The following YJU2B variants were observed in gnomAD, a reference collection of about 807,000 sequenced individuals.
YJU2B encodes the protein YJU2 splicing factor homolog B, also known as probable splicing factor YJU2B.
In YJU2B, 18 loss-of-function variants were observed where a neutral mutation model predicts 38.0. The ratio of observed to expected loss-of-function variants is 0.47; its 90% confidence interval spans 0.33 to 0.70. The LOEUF is 0.70. Among genes scored for constraint, YJU2B ranks in the 30% least tolerant of loss-of-function variants. The probability of loss-of-function intolerance (pLI) is 0.02; values close to 1 mark genes in which losing one functional copy is unlikely to be tolerated. For missense variants in YJU2B, 538 were observed against 556.3 expected (o/e 0.97, Z 0.33); for synonymous variants, 246 against 225.4 (o/e 1.09, Z -0.82).
chr19:13,745,773 G>A (rs1253215650), upstream of YJU2B, among the ~76,000 whole-genome samples: 1 of 148,518 alleles, frequency 6.7e-6, no homozygotes, highest in Admixed American at 6.7e-5. Flanking sequence ...AGGAATAGTA[G>A]TAATATTGTC....
chr19:13,756,061 C>G (rs1161666604), intron 3 of YJU2B, 136 bp from the exon 4 acceptor site: 3 of 697,310 alleles, frequency 4.3e-6, no homozygotes, highest in Non-Finnish European at 7.8e-6. Context: ...TTGCTATGAA[C>G]ACCCGTCCTG....
At chr19:13,757,540 G>C in intron 5 of YJU2B, 67 bp downstream of exon 5, 1 of 1,366,264 alleles carries the variant, frequency 7.3e-7, no homozygotes, top group Non-Finnish European at 1.0e-6. Flanking sequence ...GGATGCCGCC[G>C]GGGTGGGGGT....
chr19:13,735,532 T>G (rs1050661676), intron 2 of YJU2B, among the ~76,000 whole-genome samples: 6 of 151,700 alleles, frequency 4.0e-5, no homozygotes, highest in African/African-American at 9.7e-5. Flanking sequence ...TGTCTGTGTT[T>G]TTTTTTTTTT....
intron 9 of YJU2B, 50 bp from the exon 10 acceptor site, chr19:13,762,540 T>C (rs1182138902): frequency 6.5e-7 from 1 of 1,542,374 alleles, no homozygotes; most frequent in Non-Finnish European, 8.7e-7. Context: ...AGAGGGCAGT[T>C]CTGGACCCCC....
At position 13,762,310 on chromosome 19, in the gene YJU2B, AGCCAT is replaced by A; in HGVS notation, c.586_590del (p.Ala196ProfsTer27). On this transcript the variant is annotated frameshift_variant, in exon 9 of 10. Coordinates refer to ENST00000221554, the MANE Select transcript of YJU2B (RefSeq NM_030818.4). LOFTEE classifies it high-confidence loss of function. ...GGCCCTCAACACAGGAAAAGAAAAA[AGCCAT>A]CCAGGAGGAGGAGGAGAGAGACCAG... 6.2e-7 allele frequency: 1 copy of A among 1,613,508 alleles called. No homozygotes were observed. Among genetic ancestry groups the A allele is most frequent in the South Asian group, 1.1e-5 (1 of 91,070 alleles).
At position 13,763,249 on chromosome 19, in the gene YJU2B, T is replaced by C. The variant is rs370960817; in HGVS notation, c.*181T>C. On this transcript the variant is annotated 3_prime_UTR_variant, in exon 10 of 10. Transcript: ENST00000221554. ...TTTATTTGGTCCTGGTGAGGGTGTTTGTGCCTTGTGAGACTCCGTACATTA... is the reference window on the plus strand; with the variant it reads ...TTTATTTGGTCCTGGTGAGGGTGTTCGTGCCTTGTGAGACTCCGTACATTA... 13 of 557,688 alleles carry C rather than the reference T, an allele frequency of 2.3e-5. No individual in the cohort carries two copies. In the East Asian group the frequency reaches 2.4e-4, roughly 10 times the overall value. 34.5% of individuals were successfully genotyped at this position (557,688 alleles called of 1,614,324 possible).
upstream of YJU2B, among the ~76,000 whole-genome samples, chr19:13,745,727 CTATATATATATA>C (rs59968833): frequency 2.4e-5 from 2 of 84,210 alleles, no homozygotes; most frequent in South Asian, 4.0e-4. Flanking sequence ...CTATAGATAT[CTATATATATATA>C]TATAGATATA....
At chr19:13,732,443 C>T (rs185030634) in intron 2 of YJU2B, 2 of 151,984 alleles carry the variant, frequency 1.3e-5, no homozygotes, top group Non-Finnish European at 2.9e-5. Context: ...GACTTAGGAG[C>T]TCAAAGATGC....
chr19:13,737,026 CAAAAAAAA>C (rs61619895), intron 2 of YJU2B, among the ~76,000 whole-genome samples: 1 of 118,016 alleles, frequency 8.5e-6, no homozygotes, highest in Non-Finnish European at 1.7e-5. Flanking sequence ...GACTCATTCT[CAAAAAAAA>C]AAAAAAAAGA....
chr19:13,762,358 G>T lies in YJU2B; in HGVS notation c.633G>T (p.Ala211=), dbSNP rs547457153. 3.1e-6 allele frequency: 5 copies of T among 1,613,862 alleles called. No homozygotes were observed. The highest frequency in any genetic ancestry group is 8.5e-7 in the Non-Finnish European group (1 of 1,180,030). ...EERDQALQAK[A]SLTIPLVPET... is the part of the protein sequence containing the mutation. Reference sequence around the variant, plus strand: ...GAGACCAGGCCTTGCAGGCCAAGGCGAGCCTGACCATCCCGCTGGTGCCCG... The same window carrying T: ...GAGACCAGGCCTTGCAGGCCAAGGCTAGCCTGACCATCCCGCTGGTGCCCG... Residue 211 remains alanine (A), a synonymous_variant, in exon 9 of 10, where the codon GCG becomes GCT. Transcript: ENST00000221554.
rs571136619 is a variant in YJU2B at position 13,750,470 on chromosome 19, A to G, written c.-201-1138A>G. On this transcript the variant is annotated intron_variant, in intron 1 of 9. Coordinates refer to ENST00000221554, the MANE Select transcript of YJU2B (RefSeq NM_030818.4). ...TTGAACTCCTGACCTCAGGGGATCC[A>G]CCTGCTTCAGCCTCCCAAACTGCTG... 3.3e-5 allele frequency among the ~76,000 whole-genome samples: 5 copies of G among 152,108 alleles called. No homozygotes were observed. In the South Asian group the frequency reaches 1.0e-3, roughly 32 times the overall value.
intron 1 of YJU2B, among the ~76,000 whole-genome samples, chr19:13,750,687 C>T (rs1032193251): frequency 3.3e-5 from 5 of 151,860 alleles, no homozygotes; most frequent in Non-Finnish European, 5.9e-5. Flanking sequence ...CAGTGAAACC[C>T]TGTCTCTACT....
At chr19:13,758,221 G>A (rs967521336) in intron 6 of YJU2B, among the ~76,000 whole-genome samples, 3 of 152,196 alleles carry the variant, frequency 2.0e-5, no homozygotes, top group African/African-American at 7.2e-5. Flanking sequence ...CTCACCCGGG[G>A]TTTCTGCTCA....
chr19:13,741,738 C>A (rs528408162), intron 2 of YJU2B, among the ~76,000 whole-genome samples: 41 of 149,700 alleles, frequency 2.7e-4, no homozygotes, highest in Non-Finnish European at 3.1e-4. Context: ...CAAACCAAAC[C>A]AAACAAAACA....
chr19:13,763,060 A>T lies in YJU2B; in HGVS notation c.1183A>T (p.Ser395Cys). The change falls in exon 10 of 10, where the codon AGT (serine) becomes TGT (cysteine). Residue 395 changes from serine (S) to cysteine (C), a missense_variant. Ser to Cys is a moderately radical substitution (Grantham distance 112). Coordinates refer to ENST00000221554, the MANE Select transcript of YJU2B (RefSeq NM_030818.4). ...CGTGGCGGACTACTCCGACTCGGAG[A>T]GTGAGTGAGCGATCCCCATCCTGGA... Reference protein sequence around the residue: ...SLVADYSDSESE With the variant: ...SLVADYSDSECE 1 of 1,549,692 alleles carries T rather than the reference A, an allele frequency of 6.5e-7. No homozygotes were observed. Among genetic ancestry groups the T allele is most frequent in the East Asian group, 2.3e-5 (1 of 44,296 alleles).
intron 2 of YJU2B, among the ~76,000 whole-genome samples, chr19:13,737,588 C>T (rs1314256416): frequency 6.7e-6 from 1 of 149,364 alleles, no homozygotes; most frequent in African/African-American, 2.5e-5. Flanking sequence ...AGTTCAAGAC[C>T]AGCCTGACCA....
At chr19:13,734,614 G>T (rs1599484710) in intron 2 of YJU2B, among the ~76,000 whole-genome samples, 1 of 151,674 alleles carries the variant, frequency 6.6e-6, no homozygotes, top group Admixed American at 6.6e-5. Flanking sequence ...TTTAAGACAG[G>T]TTCTCACTCT....
intron 2 of YJU2B, among the ~76,000 whole-genome samples, chr19:13,738,658 G>A (rs1343453298): frequency 1.3e-5 from 2 of 152,006 alleles, no homozygotes; most frequent in Non-Finnish European, 2.9e-5. Flanking sequence ...TTGGGAGGCC[G>A]AGGCGGGCAG....
chr19:13,749,461 G>C (rs556197768), intron 1 of YJU2B, among the ~76,000 whole-genome samples: 1 of 152,296 alleles, frequency 6.6e-6, no homozygotes, highest in African/African-American at 2.4e-5. Context: ...GTTTGGGACT[G>C]ATTTCTAGCT....
Sources: gnomAD v4.1 joint callset for allele counts (sites outside exome capture counted in the v4.1 genomes callset) on GRCh38, gnomAD v4.1.1 for gene constraint, MANE v1.5 for transcripts, NCBI Gene and HGNC (gene_info 2026-07-23, HGNC 2026-07-21) for gene names.